Variants in PRKAA1 observed in about 807,000 individuals in gnomAD.
PRKAA1 encodes the protein 5'-AMP-activated protein kinase catalytic subunit alpha-1.
Under a neutral mutation model 56.9 loss-of-function variants are expected in PRKAA1, and 23 were observed. The ratio of observed to expected loss-of-function variants is 0.40; its 90% confidence interval spans 0.29 to 0.57. PRKAA1 has a LOEUF of 0.57. Among genes scored for constraint, PRKAA1 ranks in the 20% least tolerant of loss-of-function variants. PRKAA1 has a pLI of 0.39. For missense variants in PRKAA1, 413 were observed against 679.7 expected (o/e 0.61, Z 4.36); for synonymous variants, 226 against 227.0 (o/e 1.00, Z 0.04).
intron 1 of PRKAA1, among the ~76,000 whole-genome samples, chr5:40,794,972 T>C (rs1744860086): frequency 6.6e-6 from 1 of 151,244 alleles, no homozygotes; most frequent in Non-Finnish European, 1.5e-5. Flanking sequence ...CATCACTCAA[T>C]GTATGGATAA....
Position 40,765,081 on chromosome 5 carries a change from G to T in PRKAA1, c.979C>A (p.His327Asn). 1 of 1,614,110 alleles carries T rather than the reference G, an allele frequency of 6.2e-7. No homozygotes were observed. The highest frequency in any genetic ancestry group is 8.5e-7 in the Non-Finnish European group (1 of 1,180,016). ...EVLSCLYNRNHQDPLAVAYHL... is the reference protein window; with the variant it reads ...EVLSCLYNRNNQDPLAVAYHL... ...TAGGCAACTGCCAAAGGATCCTGGT[G>T]ATTTCTGTTGTAAAGACAGCTGAGA... is the stretch of plus-strand genomic sequence containing the variant. The change falls in exon 7 of 9, where the codon CAC becomes AAC. Residue 327 changes from histidine (H) to asparagine (N), a missense_variant. Transcript: ENST00000397128.
At chr5:40,769,955 T>C (rs1185690603) in intron 4 of PRKAA1, among the ~76,000 whole-genome samples, 4 of 151,470 alleles carry the variant, frequency 2.6e-5, no homozygotes, top group Admixed American at 2.6e-4. Context: ...AAAGAAACTG[T>C]TGCTCCCTCA....
intron 1 of PRKAA1, among the ~76,000 whole-genome samples, chr5:40,779,042 A>C (rs887808833): frequency 2.6e-5 from 4 of 151,514 alleles, no homozygotes; most frequent in Non-Finnish European, 4.4e-5. Context: ...CAAGCAATCC[A>C]CCAGCCTCAA....
intron 7 of PRKAA1, 27 bp downstream of exon 7, chr5:40,764,722 CTAA>C: frequency 6.2e-7 from 1 of 1,603,452 alleles, no homozygotes; most frequent in Non-Finnish European, 8.5e-7. Flanking sequence ...GCCAAATATG[CTAA>C]TAATCAAAAT....
At chr5:40,769,293 T>A (rs1743612908) in intron 5 of PRKAA1, 123 bp downstream of exon 5, 2 of 763,406 alleles carry the variant, frequency 2.6e-6, no homozygotes, top group Non-Finnish European at 4.2e-6. Context: ...ATAAATGTGG[T>A]TAAGAATAAG....
In PRKAA1 at chr5:40,769,520, T is replaced by C; in HGVS notation, c.509-17A>G. 1 of 1,571,536 alleles carries C rather than the reference T, an allele frequency of 6.4e-7. No individual in the cohort carries two copies. The highest frequency in any genetic ancestry group is 8.7e-7 in the Non-Finnish European group (1 of 1,150,562). On this transcript the variant is annotated splice_polypyrimidine_tract_variant and intron_variant, in intron 4 of 8. Coordinates refer to ENST00000397128, the MANE Select transcript of PRKAA1 (RefSeq NM_006251.6). ...TTGAAAGACCTGAAAGTGCACAAAA[T>C]CAGCTACTCAAAAGATTTCCCAAAG...
chr5:40,775,448 C>T lies in PRKAA1; in HGVS notation c.325G>A (p.Gly109Arg). The T allele has an allele frequency of 6.2e-7, 1 of 1,608,772 alleles. No individual in the cohort carries two copies. Among genetic ancestry groups the T allele is most frequent in the Non-Finnish European group, 8.5e-7 (1 of 1,175,208 alleles). The change falls in exon 3 of 9, where the codon GGA becomes AGA. Residue 109 changes from glycine to arginine, a missense_variant. Gly to Arg is a moderately radical substitution (Grantham distance 125). Coordinates refer to ENST00000397128, the MANE Select transcript of PRKAA1 (RefSeq NM_006251.6). ...DIFMVMEYVSGGELFDYICKN... is the reference protein window; with the variant it reads ...DIFMVMEYVSRGELFDYICKN... ...CAGATATAATCAAATAGCTCTCCTC[C>T]TGAGACATATTCCATCACCATGAAA...
At chr5:40,792,280 G>A (rs1431092936) in intron 1 of PRKAA1, among the ~76,000 whole-genome samples, 3 of 152,152 alleles carry the variant, frequency 2.0e-5, no homozygotes, top group Non-Finnish European at 2.9e-5. Context: ...AATATACAAA[G>A]TTCCTCCCTT....
chr5:40,786,068 A>G (rs942019683), intron 1 of PRKAA1, among the ~76,000 whole-genome samples: 1 of 152,164 alleles, frequency 6.6e-6, no homozygotes, highest in Non-Finnish European at 1.5e-5. Flanking sequence ...CAGCCTGGCC[A>G]ACATGGCGAA....
Position 40,775,460 on chromosome 5 carries a change from C to A in PRKAA1, c.313G>T (p.Glu105Ter), listed in dbSNP as rs759557332. Residue 105 changes from glutamate to a stop codon, truncating the protein, a stop_gained, in exon 3 of 9, where the codon GAA (glutamate) becomes TAA (stop). Transcript: ENST00000397128. LOFTEE classifies it high-confidence loss of function. ...STPSDIFMVM[E>*]YVSGGELFDY... Reference sequence around the variant, plus strand: ...AATAGCTCTCCTCCTGAGACATATTCCATCACCATGAAAATATCAGATGGT... The same window carrying A: ...AATAGCTCTCCTCCTGAGACATATTACATCACCATGAAAATATCAGATGGT... 1 of 1,608,784 alleles carries A rather than the reference C, an allele frequency of 6.2e-7. No individual in the cohort carries two copies. Among genetic ancestry groups the A allele is most frequent in the Non-Finnish European group, 8.5e-7 (1 of 1,175,220 alleles).
chr5:40,778,831 G>A (rs2112047937), intron 1 of PRKAA1, among the ~76,000 whole-genome samples: 1 of 141,852 alleles, frequency 7.0e-6, no homozygotes, highest in Non-Finnish European at 1.5e-5. Flanking sequence ...CTATCACCCA[G>A]GGTGGAGTGC....
chr5:40,773,793 C>G (rs1561173960), intron 3 of PRKAA1, among the ~76,000 whole-genome samples: 2 of 152,296 alleles, frequency 1.3e-5, no homozygotes, highest in South Asian at 4.1e-4. Context: ...AAGTAAGAAG[C>G]TTTTAAACTC....
chr5:40,775,123 G>T, intron 3 of PRKAA1: 1 of 722,570 alleles, frequency 1.4e-6, no homozygotes, highest in Non-Finnish European at 2.3e-6. Context: ...TAAGTCTGAG[G>T]ATTATGAGTT....
chr5:40,796,039 G>T (rs952989650), intron 1 of PRKAA1, among the ~76,000 whole-genome samples: 3 of 152,184 alleles, frequency 2.0e-5, no homozygotes, highest in African/African-American at 7.2e-5. Context: ...AGACCTGGCC[G>T]GGCACAGTGG....
chr5:40,774,047 A>C (rs1283800458), intron 3 of PRKAA1, among the ~76,000 whole-genome samples: 1 of 152,246 alleles, frequency 6.6e-6, no homozygotes, highest in Non-Finnish European at 1.5e-5. Context: ...GATCCAAGAA[A>C]ACATATTTGT....
At chr5:40,763,224 T>TG (rs780152908) in intron 8 of PRKAA1, among the ~76,000 whole-genome samples, 10 of 152,184 alleles carry the variant, frequency 6.6e-5, no homozygotes, top group Non-Finnish European at 1.2e-4. Context: ...TCAAGATAGC[T>TG]AACCAAAGTT....
Position 40,764,806 on chromosome 5 carries a change from A to C in PRKAA1, c.1254T>G (p.Asn418Lys), listed in dbSNP as rs930517925. ...HLGIRSQSRP[N>K]DIMAEVCRAI... Reference sequence around the variant, plus strand: ...CTCTACATACTTCTGCCATAATATCATTTGGTCGACTTTGACTTCTAATTC... The same window carrying C: ...CTCTACATACTTCTGCCATAATATCCTTTGGTCGACTTTGACTTCTAATTC... The change falls in exon 7 of 9, where the codon AAT becomes AAG. Residue 418 changes from asparagine to lysine, a missense_variant. Transcript: ENST00000397128. 6.8e-6 allele frequency: 11 copies of C among 1,613,776 alleles called. No individual in the cohort carries two copies. The Admixed American group carries it at 1.2e-4, about 17-fold the overall frequency.
At chr5:40,783,493 T>C (rs1235612566) in intron 1 of PRKAA1, among the ~76,000 whole-genome samples, 5 of 152,158 alleles carry the variant, frequency 3.3e-5, no homozygotes, top group African/African-American at 1.2e-4. Context: ...GTGCGGTGGC[T>C]CAAGCCTGTA....
chr5:40,768,239 A>G (rs1322806398), intron 5 of PRKAA1: 1 of 214,488 alleles, frequency 4.7e-6, no homozygotes, highest in African/African-American at 2.4e-5. Context: ...TGGATTCAGG[A>G]AAAGGATTTC....
Sources: gnomAD v4.1 joint callset for allele counts (sites outside exome capture counted in the v4.1 genomes callset) on GRCh38, gnomAD v4.1.1 for gene constraint, MANE v1.5 for transcripts, NCBI Gene and HGNC (gene_info 2026-07-23, HGNC 2026-07-21) for gene names.